RBFOX1: variants seen among roughly 807,000 people sequenced by gnomAD.
RBFOX1 encodes the protein RNA binding fox-1 homolog 1, also known as RNA binding protein fox-1 homolog 1.
A neutral mutation model predicts 57.7 loss-of-function variants in RBFOX1; 8 were observed. The observed-to-expected ratio is 0.14, with a 90% CI of 0.08 to 0.25. The LOEUF is 0.25. RBFOX1 is among the 10% of genes least tolerant of loss of function. RBFOX1 has a pLI of 1.00. For synonymous variants in RBFOX1, 326 were observed against 222.4 expected (o/e 1.47, Z -4.15); for missense variants, 611 against 548.5 (o/e 1.11, Z -1.14).
chr16:5,856,573 G>GTGTGTGTGTGTGTGTA (rs2151877788), intron 3 of RBFOX1, among the ~76,000 whole-genome samples: 1 of 25,546 alleles, frequency 3.9e-5, no homozygotes, highest in African/African-American at 1.5e-4. Flanking sequence ...ATGTGTGTGT[G>GTGTGTGTGTGTGTGTA]TGTATATATA....
chr16:5,410,071 A>AATG, intron 1 of RBFOX1, among the ~76,000 whole-genome samples: 1 of 150,018 alleles, frequency 6.7e-6, no homozygotes, highest in East Asian at 2.0e-4. Flanking sequence ...AAAAAATAAT[A>AATG]ATCAACATGC....
Position 5,316,975 on chromosome 16 carries a change from C to G in RBFOX1, c.219+76870C>G, listed in dbSNP as rs529579127. 4.6e-5 allele frequency among the ~76,000 whole-genome samples: 7 copies of G among 152,258 alleles called. No homozygotes were observed. In the South Asian group the frequency reaches 1.5e-3, roughly 32 times the overall value. ...TCTTACTATGTCTCTTCTGGAGGAG[C>G]TGGGATGCCCATATTTTCCTGCCCT... On this transcript the variant is annotated intron_variant, in intron 1 of 2. Transcript: ENST00000585867.
chr16:7,678,771 T>C (rs962760212), intron 14 of RBFOX1, among the ~76,000 whole-genome samples: 1 of 152,238 alleles, frequency 6.6e-6, no homozygotes, highest in East Asian at 1.9e-4. Context: ...TTTTTAAATT[T>C]CTGCATTTTG....
intron 2 of RBFOX1, among the ~76,000 whole-genome samples, chr16:6,618,314 C>T (rs571341371): frequency 1.6e-4 from 24 of 152,288 alleles, no homozygotes; most frequent in Admixed American, 5.2e-4. Context: ...ATTGACTGAA[C>T]ACTTACTTAA....
chr16:6,986,418 G>C (rs1466935103), intron 3 of RBFOX1, among the ~76,000 whole-genome samples: 7 of 151,778 alleles, frequency 4.6e-5, no homozygotes, highest in Admixed American at 3.9e-4. Flanking sequence ...AGGCTGGTCT[G>C]GAACTCCTGA....
chr16:6,404,090 C>G (rs1183242126), intron 2 of RBFOX1, among the ~76,000 whole-genome samples: 1 of 152,140 alleles, frequency 6.6e-6, no homozygotes, highest in African/African-American at 2.4e-5. Flanking sequence ...TGTCCATGGA[C>G]TCGGCATCCA....
chr16:6,542,890 C>T (rs899708246), intron 2 of RBFOX1, among the ~76,000 whole-genome samples: 1 of 152,062 alleles, frequency 6.6e-6, no homozygotes, highest in Non-Finnish European at 1.5e-5. Flanking sequence ...TTGACTTCCT[C>T]TGGGTACATT....
chr16:7,607,416 G>A (rs981755751), intron 10 of RBFOX1, 78 bp downstream of exon 10: 5 of 1,366,532 alleles, frequency 3.7e-6, no homozygotes, highest in Non-Finnish European at 5.1e-6. Context: ...AATGAGTTTT[G>A]TAAAATAACC....
intron 3 of RBFOX1, among the ~76,000 whole-genome samples, chr16:6,659,006 C>G (rs1015918376): frequency 6.6e-6 from 1 of 150,410 alleles, no homozygotes; most frequent in Non-Finnish European, 1.5e-5. Context: ...GCAAAGGTGA[C>G]GGGAGGTAAC....
Position 7,366,631 on chromosome 16 carries a change from G to A in RBFOX1, c.28-151516G>A, listed in dbSNP as rs144637078. Reference sequence around the variant, plus strand: ...TGAAACTCTGGTCAGTTTCTCTGATGATATTGATAGTTTTCTTTTTTTTTT... The same window carrying A: ...TGAAACTCTGGTCAGTTTCTCTGATAATATTGATAGTTTTCTTTTTTTTTT... On this transcript the variant is annotated intron_variant, in intron 4 of 15. Coordinates refer to ENST00000550418, the MANE Select transcript of RBFOX1 (RefSeq NM_018723.4). 8.7e-5 allele frequency among the ~76,000 whole-genome samples: 13 copies of A among 150,044 alleles called. No homozygotes were observed. The East Asian group carries it at 1.4e-3, about 16-fold the overall frequency.
chr16:7,051,750 T>A (rs1222055085), intron 3 of RBFOX1, among the ~76,000 whole-genome samples: 5 of 151,966 alleles, frequency 3.3e-5, no homozygotes, highest in Non-Finnish European at 5.9e-5. Flanking sequence ...GGGAAAAGGG[T>A]GGGGAGTTTC....
chr16:6,284,018 A>G (rs554181013), intron 1 of RBFOX1, among the ~76,000 whole-genome samples: 1 of 152,294 alleles, frequency 6.6e-6, no homozygotes, highest in Admixed American at 6.5e-5. Flanking sequence ...TGGTGCTGGA[A>G]TGGATGGAGA....
intron 4 of RBFOX1, among the ~76,000 whole-genome samples, chr16:7,161,706 G>T (rs1017165614): frequency 6.6e-6 from 1 of 152,166 alleles, no homozygotes; most frequent in African/African-American, 2.4e-5. Context: ...GAGGGTTTCT[G>T]TCCTTCATTT....
At chr16:6,548,831 T>G (rs2096930940) in intron 2 of RBFOX1, among the ~76,000 whole-genome samples, 1 of 151,964 alleles carries the variant, frequency 6.6e-6, no homozygotes. Flanking sequence ...ATCCTAGCAC[T>G]TTGGGAGGCC....
At chr16:5,955,118 TAAAAAAA>T (rs34488881) in intron 4 of RBFOX1, among the ~76,000 whole-genome samples, 925 of 14,298 alleles carry the variant, frequency 0.065, 70 homozygotes, top group Admixed American at 0.18. Flanking sequence ...CCATCTCTAC[TAAAAAAA>T]AAAAAAAAAA....
rs149885171 is a variant in RBFOX1 at position 6,387,614 on chromosome 16, G to T, written c.-64+70557G>T. ...CCAGCTCAAGGTTATGTGAAACAAA[G>T]AAAATGTCTAGCATTGCTCAGCTGT... On this transcript the variant is annotated intron_variant, in intron 2 of 15. Transcript: ENST00000550418. Among the ~76,000 whole-genome samples, 1,271 of 152,244 alleles carry T rather than the reference G, an allele frequency of 8.3e-3. 14 individuals carry two copies. The highest frequency in any genetic ancestry group is 0.029 in the African/African-American group (1,201 of 41,546).
At chr16:5,581,068 C>A (rs2046648418) in intron 2 of RBFOX1, among the ~76,000 whole-genome samples, 1 of 152,198 alleles carries the variant, frequency 6.6e-6, no homozygotes, top group Non-Finnish European at 1.5e-5. Flanking sequence ...TGTCTGTCTT[C>A]TTAGGTAAAT....
At chr16:6,271,828 C>T (rs528874926) in intron 1 of RBFOX1, among the ~76,000 whole-genome samples, 1 of 152,178 alleles carries the variant, frequency 6.6e-6, no homozygotes, top group Admixed American at 6.5e-5. Flanking sequence ...AAAAATAAAT[C>T]TCCAGATCAG....
At chr16:6,124,283 G>A (rs1264407063) in intron 1 of RBFOX1, among the ~76,000 whole-genome samples, 1 of 152,112 alleles carries the variant, frequency 6.6e-6, no homozygotes, top group Non-Finnish European at 1.5e-5. Context: ...AGTCTCCATG[G>A]GCACCTGGGC....
Sources: gnomAD v4.1 joint callset for allele counts (sites outside exome capture counted in the v4.1 genomes callset) on GRCh38, gnomAD v4.1.1 for gene constraint, MANE v1.5 for transcripts, NCBI Gene and HGNC (gene_info 2026-07-23, HGNC 2026-07-21) for gene names.